The following SPAM1 variants were observed in gnomAD, a reference collection of about 807,000 sequenced individuals.
SPAM1 encodes sperm adhesion molecule 1, also known as hyaluronidase PH-20.
SPAM1 carries 22 observed loss-of-function variants against 29.6 expected under a neutral mutation model. The ratio of observed to expected loss-of-function variants is 0.74; its 90% CI spans 0.53 to 1.06. The LOEUF is 1.06. SPAM1 is among the 50% of genes least tolerant of loss of function. The pLI is 0.00. For missense variants in SPAM1, 534 were observed against 604.0 expected, an observed-to-expected ratio of 0.88 and a Z score of 1.21; for synonymous variants, 194 against 204.6, an observed-to-expected ratio of 0.95 and a Z score of 0.44.
intron 5 of SPAM1, among the ~76,000 whole-genome samples, chr7:123,969,260 T>C (rs1369839818): frequency 1.3e-5 from 2 of 152,110 alleles, no homozygotes; most frequent in Non-Finnish European, 2.9e-5. Flanking sequence ...CTGTTGGTTG[T>C]TGACTTTGCT....
chr7:123,945,055 C>T (rs1808533989), intron 1 of SPAM1, among the ~76,000 whole-genome samples: 1 of 151,850 alleles, frequency 6.6e-6, no homozygotes, highest in African/African-American at 2.4e-5. Flanking sequence ...CATGGTTGTC[C>T]TGAACATCCC....
chr7:123,930,290 G>A (rs760396414), intron 1 of SPAM1, among the ~76,000 whole-genome samples: 4 of 152,050 alleles, frequency 2.6e-5, no homozygotes, highest in Non-Finnish European at 5.9e-5. Context: ...TTTGGCCATT[G>A]TAAGTAGGAT....
chr7:123,925,458 T>A (rs993904233), intron 1 of SPAM1, 106 bp downstream of exon 1: 1 of 152,178 alleles, frequency 6.6e-6, no homozygotes, highest in Non-Finnish European at 1.5e-5. Context: ...ATGTCTAGAT[T>A]TTTATGTTCC....
chr7:123,969,664 A>T (rs941756204), intron 5 of SPAM1, among the ~76,000 whole-genome samples: 5 of 152,002 alleles, frequency 3.3e-5, no homozygotes, highest in African/African-American at 1.2e-4. Context: ...TTTTTATACC[A>T]ATACCATGCT....
intron 1 of SPAM1, among the ~76,000 whole-genome samples, chr7:123,948,345 C>A (rs988780947): frequency 6.6e-5 from 10 of 152,148 alleles, no homozygotes; most frequent in Non-Finnish European, 1.5e-4. Context: ...TGCCACACAA[C>A]CTACCAAATG....
At chr7:123,966,390 T>C (rs1792424972) in intron 5 of SPAM1, among the ~76,000 whole-genome samples, 1 of 152,008 alleles carries the variant, frequency 6.6e-6, no homozygotes, top group Non-Finnish European at 1.5e-5. Flanking sequence ...GAAACAGAAA[T>C]AATATTTGAC....
At chr7:123,970,835 G>T (rs1563036053) in intron 6 of SPAM1, among the ~76,000 whole-genome samples, 1 of 151,838 alleles carries the variant, frequency 6.6e-6, no homozygotes, top group African/African-American at 2.4e-5. Flanking sequence ...ATACATTTTT[G>T]TTCTACGTCC....
At chr7:123,937,150 T>G (rs1489325906) in intron 1 of SPAM1, among the ~76,000 whole-genome samples, 1 of 152,214 alleles carries the variant, frequency 6.6e-6, no homozygotes, top group Non-Finnish European at 1.5e-5. Context: ...TTGGCTTTTA[T>G]GGCTCCCAAA....
At chr7:123,930,543 A>G (rs1808041300) in intron 1 of SPAM1, among the ~76,000 whole-genome samples, 1 of 152,218 alleles carries the variant, frequency 6.6e-6, no homozygotes, top group African/African-American at 2.4e-5. Flanking sequence ...TGTAAGAATA[A>G]TGATTGTGAA....
At chr7:123,961,518 A>G (rs1300974460), downstream of SPAM1, among the ~76,000 whole-genome samples, 2 of 151,992 alleles carry the variant, frequency 1.3e-5, no homozygotes, top group Middle Eastern at 3.4e-3. Context: ...CTTATGACTG[A>G]GTAGTATTCC....
chr7:123,928,190 C>T (rs188266867), intron 1 of SPAM1, among the ~76,000 whole-genome samples: 6 of 152,164 alleles, frequency 3.9e-5, no homozygotes, highest in African/African-American at 9.6e-5. Flanking sequence ...GAGAGTACTG[C>T]GCTACTTACA....
chr7:123,941,654 C>T (rs1397387289), intron 1 of SPAM1, among the ~76,000 whole-genome samples: 1 of 152,092 alleles, frequency 6.6e-6, no homozygotes, highest in South Asian at 2.1e-4. Context: ...AGCTTTTTAC[C>T]TTTGTATCTA....
chr7:123,971,364 A>C (rs1792496740), exon 7 of SPAM1: 1 of 152,176 alleles, frequency 6.6e-6, no homozygotes, highest in Non-Finnish European at 1.5e-5. Context: ...AAGACAAAAG[A>C]AATCCATATC....
At chr7:123,940,532 G>C (rs1171795515) in intron 1 of SPAM1, among the ~76,000 whole-genome samples, 1 of 150,106 alleles carries the variant, frequency 6.7e-6, no homozygotes, top group Non-Finnish European at 1.5e-5. Context: ...TTTGTCATCC[G>C]GGCTGGGGTG....
At chr7:123,930,507 T>C (rs375097608) in intron 1 of SPAM1, among the ~76,000 whole-genome samples, 1 of 152,160 alleles carries the variant, frequency 6.6e-6, no homozygotes, top group East Asian at 1.9e-4. Context: ...TTGTCACACA[T>C]GAAAAGACTC....
intron 1 of SPAM1, among the ~76,000 whole-genome samples, chr7:123,937,232 C>T (rs141853540): frequency 2.7e-4 from 41 of 152,144 alleles, no homozygotes; most frequent in African/African-American, 8.4e-4. Flanking sequence ...TCAAATGAGC[C>T]ATAATAAGCA....
intron 2 of SPAM1, among the ~76,000 whole-genome samples, chr7:123,951,891 G>A (rs1584957423): frequency 1.3e-5 from 2 of 152,048 alleles, no homozygotes; most frequent in Non-Finnish European, 1.5e-5. Flanking sequence ...CAAAGTGCTC[G>A]GATTACAGGC....
chr7:123,936,188 A>T (rs529400865), intron 1 of SPAM1, among the ~76,000 whole-genome samples: 1 of 152,342 alleles, frequency 6.6e-6, no homozygotes, highest in South Asian at 2.1e-4. Flanking sequence ...TTTGCAGCAG[A>T]GAAAGAGTTT....
intron 1 of SPAM1, among the ~76,000 whole-genome samples, chr7:123,927,009 A>C (rs1008781326): frequency 6.6e-6 from 1 of 152,188 alleles, no homozygotes; most frequent in African/African-American, 2.4e-5. Context: ...CCCATGAGAC[A>C]CTGCAGGGCA....
Sources: gnomAD v4.1 joint callset for allele counts (sites outside exome capture counted in the v4.1 genomes callset) on GRCh38, gnomAD v4.1.1 for gene constraint, MANE v1.5 for transcripts, NCBI Gene and HGNC (gene_info 2026-07-23, HGNC 2026-07-21) for gene names.